The following TNRC18 variants were observed in gnomAD, a reference collection of about 807,000 sequenced individuals.
The protein encoded by TNRC18 is trinucleotide repeat containing 18.
TNRC18 carries 69 observed loss-of-function variants against 226.7 expected under a neutral mutation model. The ratio of observed to expected loss-of-function variants is 0.30; its 90% CI spans 0.25 to 0.37. The LOEUF is 0.37. Among genes scored for constraint, TNRC18 ranks in the 10% least tolerant of loss-of-function variants. TNRC18 has a pLI of 1.00. For missense variants in TNRC18, 4,754 were observed against 4,256.6 expected, an observed-to-expected ratio of 1.12 and a Z score of -3.25; for synonymous variants, 2,449 against 1,927.6, an observed-to-expected ratio of 1.27 and a Z score of -7.09.
chr7:5,388,841 G>T lies in TNRC18; in HGVS notation c.983C>A (p.Pro328Gln). The T allele has an allele frequency of 8.2e-7, 1 of 1,221,858 alleles. No homozygotes were observed. Among genetic ancestry groups the T allele is most frequent in the Middle Eastern group, 3.4e-4 (1 of 2,948 alleles). 75.7% of individuals were successfully genotyped at this position (1,221,858 alleles called of 1,614,324 possible). A position where few individuals can be genotyped will look rare whatever the true frequency, so the allele number is the denominator to read the frequency against. ...LRRTETLLPGPRPCPSPLPPP... is the reference protein window; with the variant it reads ...LRRTETLLPGQRPCPSPLPPP... ...GGGCAGCGGTGAGGGGCAGGGGCGC[G>T]GCCCAGGGAGCAGGGTCTCCGTGCG... The change falls in exon 5 of 30, where the codon CCG becomes CAG. Residue 328 changes from proline (P) to glutamine (Q), a missense_variant. Physicochemically the swap from Pro to Gln is moderately conservative, Grantham distance 76. Coordinates refer to ENST00000430969, the MANE Select transcript of TNRC18 (RefSeq NM_001080495.3).
intron 26 of TNRC18, 139 bp from the exon 27 acceptor site, chr7:5,314,002 A>T: frequency 4.1e-6 from 4 of 974,414 alleles, no homozygotes; most frequent in Non-Finnish European, 5.5e-6. Flanking sequence ...CAGTCACCCA[A>T]GCTGGAATGC....
In TNRC18 at chr7:5,361,662, T is replaced by C. The variant is rs1244378117; in HGVS notation, c.4593A>G (p.Lys1531=). 1.9e-6 allele frequency: 3 copies of C among 1,562,120 alleles called. No homozygotes were observed. Among genetic ancestry groups the C allele is most frequent in the East Asian group, 4.8e-5 (2 of 41,580 alleles). The change falls in exon 14 of 30, where the codon AAA becomes AAG. Residue 1531 remains lysine (K), a synonymous_variant. Transcript: ENST00000430969. ...LARRGPGRPR[K]RTHAPSALSP... ...ACAGGGCGCTCGGGGCGTGGGTCCG[T>C]TTCCGCGGCCTGCCAGGGCCTCTGC...
chr7:5,411,495 G>A (rs1043688128), intron 2 of TNRC18, among the ~76,000 whole-genome samples: 1 of 140,532 alleles, frequency 7.1e-6, no homozygotes, highest in African/African-American at 2.7e-5. Context: ...TCCAGCCTGG[G>A]TGACAGAGCA....
intron 21 of TNRC18, 33 bp from the exon 22 acceptor site, chr7:5,321,223 G>T: frequency 6.8e-7 from 1 of 1,474,770 alleles, no homozygotes; most frequent in Non-Finnish European, 9.2e-7. Context: ...CGAGGCTGGA[G>T]CCGGGGGCGT....
intron 4 of TNRC18, 119 bp from the exon 5 acceptor site, chr7:5,389,455 G>GTTT: frequency 1.7e-6 from 1 of 605,028 alleles, no homozygotes; most frequent in African/African-American, 4.8e-5. Context: ...CAGTGTTTTG[G>GTTT]TTTTGGTTTT....
intron 18 of TNRC18, 38 bp downstream of exon 18, chr7:5,345,524 C>CCCCCCCA: frequency 5.5e-6 from 1 of 182,374 alleles, no homozygotes; most frequent in Non-Finnish European, 1.2e-5. Flanking sequence ...TCCGCCCCTC[C>CCCCCCCA]CACCCACCCC....
At chr7:5,406,572 C>T (rs900776488) in intron 2 of TNRC18, among the ~76,000 whole-genome samples, 1 of 151,822 alleles carries the variant, frequency 6.6e-6, no homozygotes, top group African/African-American at 2.4e-5. Context: ...AAGTAGAGGC[C>T]GGGCCCAGTG....
chr7:5,420,534 G>T, intron 2 of TNRC18: 1 of 444,998 alleles, frequency 2.2e-6, no homozygotes, highest in Non-Finnish European at 4.5e-6. Flanking sequence ...TGGGGTCACC[G>T]TACTCCCGCA....
intron 2 of TNRC18, among the ~76,000 whole-genome samples, chr7:5,402,178 CAAAAAAAAAAAAAA>C (rs35794476): frequency 1.4e-5 from 1 of 71,338 alleles, no homozygotes; most frequent in African/African-American, 6.3e-5. Context: ...GACTCTGTCT[CAAAAAAAAAAAAAA>C]AAAAAAAAAG....
At chr7:5,342,255 C>T (rs1415710539) in intron 18 of TNRC18, among the ~76,000 whole-genome samples, 1 of 151,996 alleles carries the variant, frequency 6.6e-6, no homozygotes, top group African/African-American at 2.4e-5. Flanking sequence ...ATGGCGAAAC[C>T]CTGTCTCTAC....
At chr7:5,352,916 CG>C (rs941130695) in intron 16 of TNRC18, among the ~76,000 whole-genome samples, 85 of 152,348 alleles carry the variant, frequency 5.6e-4, no homozygotes, top group African/African-American at 1.9e-3. Context: ...CCACTCCAGA[CG>C]GGGGGAACGT....
chr7:5,384,893 A>C (rs957516727), intron 5 of TNRC18, among the ~76,000 whole-genome samples: 8 of 152,220 alleles, frequency 5.3e-5, no homozygotes, highest in African/African-American at 1.9e-4. Context: ...TCAGTCAACA[A>C]ACACTCACTG....
intron 21 of TNRC18, among the ~76,000 whole-genome samples, chr7:5,322,095 T>C (rs571975601): frequency 4.1e-4 from 63 of 152,040 alleles, no homozygotes; most frequent in East Asian, 3.0e-3. Context: ...CTAGCTAACA[T>C]GGTGAAACCC....
At chr7:5,331,324 C>A (rs561309620) in intron 19 of TNRC18, among the ~76,000 whole-genome samples, 1 of 152,092 alleles carries the variant, frequency 6.6e-6, no homozygotes, top group South Asian at 2.1e-4. Flanking sequence ...GTGGCCAGTG[C>A]AAAAAGGGTA....
intron 2 of TNRC18, among the ~76,000 whole-genome samples, chr7:5,405,673 G>C (rs1296860942): frequency 6.6e-6 from 1 of 152,148 alleles, no homozygotes; most frequent in African/African-American, 2.4e-5. Context: ...AACCCAGGAG[G>C]GGGAGGTTGC....
At chr7:5,361,792 G>C (rs1018365369) in intron 13 of TNRC18, 70 bp from the exon 14 acceptor site, 194 of 1,533,298 alleles carry the variant, frequency 1.3e-4, no homozygotes, top group Non-Finnish European at 3.0e-5. Context: ...GGCACACGAT[G>C]CACACACGGC....
In TNRC18 at chr7:5,388,658, T is replaced by C. The variant is rs1780014852; in HGVS notation, c.1166A>G (p.Gln389Arg). Residue 389 changes from glutamine to arginine, a missense_variant, in exon 5 of 30, where the codon CAG becomes CGG. By Grantham distance (43) the Gln-to-Arg change is conservative. Transcript: ENST00000430969. Reference sequence around the variant, plus strand: ...GGCATCGCGCGCCTGGGATGCGATCTGGATGGGCCCCGGGCGCTCGTCGAA... The same window carrying C: ...GGCATCGCGCGCCTGGGATGCGATCCGGATGGGCCCCGGGCGCTCGTCGAA... ...EAFDERPGPI[Q>R]IASQARDARA... The C allele has an allele frequency of 7.8e-7, 1 of 1,276,752 alleles. No individual in the cohort carries two copies. The highest frequency in any genetic ancestry group is 1.6e-5 in the African/African-American group (1 of 62,688). The allele number at this position is 1,276,752 out of a possible 1,614,324, so 79.1% of individuals were successfully genotyped here.
chr7:5,396,335 G>A (rs926309506), intron 2 of TNRC18, among the ~76,000 whole-genome samples: 20 of 152,094 alleles, frequency 1.3e-4, no homozygotes, highest in African/African-American at 4.1e-4. Context: ...GCAACAGAGT[G>A]AGACTCCGTC....
intron 19 of TNRC18, among the ~76,000 whole-genome samples, chr7:5,330,631 G>C: frequency 6.6e-6 from 1 of 152,048 alleles, no homozygotes; most frequent in East Asian, 1.9e-4. Context: ...GTGAAGTGAA[G>C]GGGTTAGAAC....
Sources: gnomAD v4.1 joint callset for allele counts (sites outside exome capture counted in the v4.1 genomes callset) on GRCh38, gnomAD v4.1.1 for gene constraint, MANE v1.5 for transcripts, NCBI Gene and HGNC (gene_info 2026-07-23, HGNC 2026-07-21) for gene names.